Variants in MALRD1 observed in about 807,000 individuals in gnomAD.
MALRD1 encodes the protein MAM and LDL-receptor class A domain-containing protein 1.
MALRD1 carries 247 observed loss-of-function variants against 242.1 expected under a neutral mutation model. The ratio of observed to expected loss-of-function variants is 1.02; its 90% CI spans 0.92 to 1.13. The LOEUF is 1.13. Ranked by LOEUF, MALRD1 falls within the 50% of genes most tolerant of loss-of-function variation. The pLI is 0.00. For synonymous variants in MALRD1, 995 were observed against 866.6 expected (o/e 1.15, Z -2.60); for missense variants, 2,989 against 2,533.1 (o/e 1.18, Z -3.86).
At chr10:19,480,812 T>C (rs913428232) in intron 29 of MALRD1, among the ~76,000 whole-genome samples, 7 of 152,164 alleles carry the variant, frequency 4.6e-5, no homozygotes, top group African/African-American at 1.7e-4. Flanking sequence ...TCCTTCTTTC[T>C]AGGCCTTCTA....
intron 36 of MALRD1, among the ~76,000 whole-genome samples, chr10:19,656,035 T>TTCCA (rs1841139744): frequency 6.6e-6 from 1 of 152,082 alleles, no homozygotes; most frequent in Non-Finnish European, 1.5e-5. Context: ...CATCTCAGAG[T>TTCCA]TTAAGTGTAA....
rs564454045 is a variant in MALRD1 at position 19,708,020 on chromosome 10, T to G, written c.6314+15466T>G. 1.8e-4 allele frequency among the ~76,000 whole-genome samples: 22 copies of G among 119,344 alleles called. 5 individuals are homozygous for G. In the East Asian group the frequency reaches 5.3e-3, roughly 29 times the overall value. 78.3% of individuals were successfully genotyped at this position (119,344 alleles called of 152,430 possible). A position where few individuals can be genotyped will look rare whatever the true frequency, so the allele number is the denominator to read the frequency against. ...TAAAATTTAATTATAAAATTAAATT[T>G]TTATATTTTCTCATTTAATACAGAA... On this transcript the variant is annotated intron_variant, in intron 38 of 39. Coordinates refer to ENST00000454679, the MANE Select transcript of MALRD1 (RefSeq NM_001142308.3).
intron 38 of MALRD1, among the ~76,000 whole-genome samples, chr10:19,693,605 G>A (rs1833213950): frequency 6.6e-6 from 1 of 152,196 alleles, no homozygotes; most frequent in African/African-American, 2.4e-5. Flanking sequence ...AACCTTCCAT[G>A]CTCGTGGATA....
At chr10:19,340,126 C>T (rs1931882) in intron 24 of MALRD1, among the ~76,000 whole-genome samples, 1 of 151,948 alleles carries the variant, frequency 6.6e-6, no homozygotes, top group East Asian at 1.9e-4. Flanking sequence ...CATTTGGGTA[C>T]GGACAAAGAG....
chr10:19,263,764 G>T (rs150848183), intron 19 of MALRD1, among the ~76,000 whole-genome samples: 1 of 151,946 alleles, frequency 6.6e-6, no homozygotes, highest in African/African-American at 2.4e-5. Flanking sequence ...GCTTATTTCT[G>T]TGCTTTCTAT....
intron 28 of MALRD1, among the ~76,000 whole-genome samples, chr10:19,422,053 C>G (rs546034429): frequency 6.6e-6 from 1 of 152,314 alleles, no homozygotes; most frequent in African/African-American, 2.4e-5. Context: ...GATAAAGATG[C>G]TAGTGCAGAA....
chr10:19,190,068 T>C (rs1375464832), intron 14 of MALRD1, among the ~76,000 whole-genome samples: 1 of 152,080 alleles, frequency 6.6e-6, no homozygotes, highest in African/African-American at 2.4e-5. Context: ...AATATCCCTT[T>C]AAGTTCTACA....
intron 38 of MALRD1, among the ~76,000 whole-genome samples, chr10:19,701,071 C>T (rs901860400): frequency 6.6e-6 from 1 of 152,104 alleles, no homozygotes; most frequent in Non-Finnish European, 1.5e-5. Context: ...ATTGCTTGAG[C>T]CTGGGAGGTC....
At chr10:19,400,658 GA>G (rs1846797086) in intron 28 of MALRD1, among the ~76,000 whole-genome samples, 1 of 152,160 alleles carries the variant, frequency 6.6e-6, no homozygotes. Context: ...TTTATAGACT[GA>G]AAGTGTTTAG....
intron 28 of MALRD1, among the ~76,000 whole-genome samples, chr10:19,392,701 G>A (rs916601674): frequency 1.3e-5 from 2 of 152,160 alleles, no homozygotes; most frequent in South Asian, 2.1e-4. Context: ...TGAATAATAA[G>A]AGGATCAAAA....
intron 18 of MALRD1, among the ~76,000 whole-genome samples, chr10:19,255,081 C>T (rs145655858): frequency 2.6e-5 from 4 of 152,090 alleles, no homozygotes; most frequent in African/African-American, 4.8e-5. Flanking sequence ...TCTGTCTTTA[C>T]GTGGAGCAGG....
chr10:19,627,462 G>A (rs545400336), intron 36 of MALRD1, among the ~76,000 whole-genome samples: 2 of 152,012 alleles, frequency 1.3e-5, no homozygotes, highest in Admixed American at 6.6e-5. Context: ...ACAGGGCCAC[G>A]TGCGGTGGCT....
intron 26 of MALRD1, among the ~76,000 whole-genome samples, chr10:19,380,001 G>A (rs748470244): frequency 1.4e-5 from 2 of 143,308 alleles, no homozygotes; most frequent in South Asian, 4.4e-4. Flanking sequence ...TTGAGACAGA[G>A]TGTCACTCTA....
At chr10:19,576,591 T>C (rs1206133982) in intron 33 of MALRD1, among the ~76,000 whole-genome samples, 1 of 152,180 alleles carries the variant, frequency 6.6e-6, no homozygotes, top group Non-Finnish European at 1.5e-5. Context: ...ATAAGTTTCT[T>C]ATTCTTTAGT....
At chr10:19,485,879 TAATG>T (rs906396011) in intron 29 of MALRD1, among the ~76,000 whole-genome samples, 6 of 152,030 alleles carry the variant, frequency 3.9e-5, no homozygotes, top group African/African-American at 1.4e-4. Context: ...TGATGAATAA[TAATG>T]GAATTATTAA....
At chr10:19,355,648 A>T (rs1844592753) in intron 26 of MALRD1, among the ~76,000 whole-genome samples, 1 of 150,952 alleles carries the variant, frequency 6.6e-6, no homozygotes, top group Admixed American at 6.6e-5. Context: ...TGTGGAGTTC[A>T]CTTTCCTATA....
intron 26 of MALRD1, among the ~76,000 whole-genome samples, chr10:19,363,564 C>T (rs1299423572): frequency 6.6e-6 from 1 of 152,130 alleles, no homozygotes; most frequent in African/African-American, 2.4e-5. Context: ...ACCTTGAAAT[C>T]CCTTGTCTAA....
At chr10:19,326,281 T>C (rs890688322) in intron 22 of MALRD1, among the ~76,000 whole-genome samples, 1 of 152,082 alleles carries the variant, frequency 6.6e-6, no homozygotes, top group Non-Finnish European at 1.5e-5. Context: ...GGGGTTAAGA[T>C]TGATGATGTG....
chr10:19,500,377 G>C (rs1837916014), intron 31 of MALRD1, among the ~76,000 whole-genome samples: 1 of 152,162 alleles, frequency 6.6e-6, no homozygotes, highest in Admixed American at 6.5e-5. Flanking sequence ...AACAAAGGTA[G>C]ATATTTAAAA....
Sources: allele counts gnomAD v4.1 joint callset (sites outside exome capture counted in the v4.1 genomes callset), GRCh38; gene constraint gnomAD v4.1.1; transcripts MANE v1.5; gene names NCBI Gene and HGNC (gene_info 2026-07-23, HGNC 2026-07-21).